CTDSPL: variants seen among roughly 807,000 people sequenced by gnomAD.
CTDSPL encodes the protein CTD small phosphatase-like protein.
CTDSPL carries 8 observed loss-of-function variants against 30.5 expected under a neutral mutation model. The observed-to-expected ratio is 0.26, with a 90% confidence interval of 0.15 to 0.47. The LOEUF is 0.47. CTDSPL is among the 20% of genes least tolerant of loss of function. The probability of loss-of-function intolerance (pLI) is 0.99; values close to 1 mark genes in which losing one functional copy is unlikely to be tolerated. For missense variants in CTDSPL, 248 were observed against 366.1 expected (o/e 0.68, Z 2.63); for synonymous variants, 110 against 137.9 (o/e 0.80, Z 1.42).
At chr3:37,951,019 C>T (rs1057272611) in intron 2 of CTDSPL, among the ~76,000 whole-genome samples, 1 of 151,922 alleles carries the variant, frequency 6.6e-6, no homozygotes, top group African/African-American at 2.4e-5. Context: ...AGAGAGGGAA[C>T]AAAAAATAAA....
chr3:37,921,581 G>A (rs1698715513), intron 1 of CTDSPL, among the ~76,000 whole-genome samples: 1 of 150,260 alleles, frequency 6.7e-6, no homozygotes, highest in Non-Finnish European at 1.5e-5. Context: ...CTGGAAGATG[G>A]TCGATATAAG....
intron 1 of CTDSPL, among the ~76,000 whole-genome samples, chr3:37,938,025 C>G (rs1698934806): frequency 1.3e-5 from 2 of 150,432 alleles, no homozygotes; most frequent in Admixed American, 1.3e-4. Context: ...TTTTCTGTAG[C>G]TACCAAGTTG....
rs1288065796 is a variant in CTDSPL, at chr3:37,925,814, C to T, written c.80-21243C>T. On this transcript the variant is annotated intron_variant, in intron 1 of 7. Coordinates refer to ENST00000273179, the MANE Select transcript of CTDSPL (RefSeq NM_001008392.2). Reference sequence around the variant, plus strand: ...CTAGTTGTGAAGCACTTTTCTCGCACGGGTGACAGTTCTCCAGTACACACA... The same window carrying T: ...CTAGTTGTGAAGCACTTTTCTCGCATGGGTGACAGTTCTCCAGTACACACA... Among the ~76,000 whole-genome samples, 3 of 151,638 alleles carry T rather than the reference C, an allele frequency of 2.0e-5. 1 individual carries two copies. The highest frequency in any genetic ancestry group is 4.2e-4 in the South Asian group (2 of 4,790).
intron 6 of CTDSPL, among the ~76,000 whole-genome samples, chr3:37,972,372 A>G (rs936794516): frequency 1.3e-5 from 2 of 152,082 alleles, no homozygotes; most frequent in Non-Finnish European, 2.9e-5. Flanking sequence ...GGCATCTGTA[A>G]TCCCAGCTAC....
At chr3:37,877,904 G>A (rs1225280323) in intron 1 of CTDSPL, among the ~76,000 whole-genome samples, 2 of 152,078 alleles carry the variant, frequency 1.3e-5, no homozygotes, top group Non-Finnish European at 2.9e-5. Flanking sequence ...CACCATTCAT[G>A]AGGGATCCGC....
chr3:37,961,609 A>G (rs1047594667), intron 3 of CTDSPL, among the ~76,000 whole-genome samples: 7 of 152,194 alleles, frequency 4.6e-5, no homozygotes, highest in African/African-American at 1.2e-4. Context: ...TAATACAGCA[A>G]TAGTACACTT....
chr3:37,936,246 A>G (rs1406457928), intron 1 of CTDSPL, among the ~76,000 whole-genome samples: 1 of 152,204 alleles, frequency 6.6e-6, no homozygotes, highest in Non-Finnish European at 1.5e-5. Context: ...AGTGTCCGGT[A>G]GGAATTCCCT....
At chr3:37,891,751 A>T (rs886405481) in intron 1 of CTDSPL, among the ~76,000 whole-genome samples, 4 of 152,314 alleles carry the variant, frequency 2.6e-5, no homozygotes, top group Admixed American at 2.0e-4. Flanking sequence ...AAAAATTTTT[A>T]AAAAAGGATT....
chr3:37,913,982 A>G lies in CTDSPL; in HGVS notation c.80-33075A>G, dbSNP rs559507960. Among the ~76,000 whole-genome samples the G allele has an allele frequency of 2.6e-5, 4 of 152,322 alleles. No individual in the cohort carries two copies. The South Asian group carries it at 6.2e-4, about 24-fold the overall frequency. On this transcript the variant is annotated intron_variant, in intron 1 of 7. Coordinates refer to ENST00000273179, the MANE Select transcript of CTDSPL (RefSeq NM_001008392.2). Reference sequence around the variant, plus strand: ...ACAAAATGAATAAACAAAAACTGCTATGGTTTTCATTGAGATTGTGTGGAA... The same window carrying G: ...ACAAAATGAATAAACAAAAACTGCTGTGGTTTTCATTGAGATTGTGTGGAA...
At chr3:37,874,883 G>A (rs911474513) in intron 1 of CTDSPL, among the ~76,000 whole-genome samples, 2 of 152,060 alleles carry the variant, frequency 1.3e-5, no homozygotes, top group Non-Finnish European at 1.5e-5. Flanking sequence ...GGGTAATGTT[G>A]AAAGAATTAT....
chr3:37,883,476 A>G (rs970889312), intron 1 of CTDSPL, among the ~76,000 whole-genome samples: 10 of 152,224 alleles, frequency 6.6e-5, no homozygotes, highest in Non-Finnish European at 1.0e-4. Flanking sequence ...TTTCTCAGTT[A>G]TGAAGGTAGG....
chr3:37,959,039 A>C (rs1038531546), intron 3 of CTDSPL, among the ~76,000 whole-genome samples: 1 of 152,108 alleles, frequency 6.6e-6, no homozygotes, highest in Non-Finnish European at 1.5e-5. Context: ...GAGTGCTGGG[A>C]GCCCTGAGAG....
chr3:37,913,165 C>G (rs564113207), intron 1 of CTDSPL, among the ~76,000 whole-genome samples: 1 of 151,908 alleles, frequency 6.6e-6, no homozygotes, highest in Non-Finnish European at 1.5e-5. Flanking sequence ...TACAAAAACG[C>G]GTAAATTAGC....
At chr3:37,891,538 C>T (rs886459424) in intron 1 of CTDSPL, among the ~76,000 whole-genome samples, 7 of 152,260 alleles carry the variant, frequency 4.6e-5, no homozygotes, top group Middle Eastern at 3.4e-3. Flanking sequence ...CTTAGAGTGC[C>T]GTTTTATAGT....
intron 1 of CTDSPL, among the ~76,000 whole-genome samples, chr3:37,874,009 C>A (rs1451063502): frequency 6.6e-6 from 1 of 152,226 alleles, no homozygotes; most frequent in Non-Finnish European, 1.5e-5. Context: ...CTTTGTTTCT[C>A]AGTTAAGGAA....
intron 1 of CTDSPL, among the ~76,000 whole-genome samples, chr3:37,905,343 A>T (rs528808708): frequency 6.6e-6 from 1 of 152,290 alleles, no homozygotes; most frequent in African/African-American, 2.4e-5. Flanking sequence ...TTTGATTTTG[A>T]ATTTGTCTCA....
chr3:37,862,383 GGCCCGGAGGGTGCGTGGGTGTGGGGTGC>G lies in CTDSPL; in HGVS notation c.79+115_79+142del. On this transcript the variant is annotated intron_variant, in intron 1 of 7. Coordinates refer to ENST00000273179, the MANE Select transcript of CTDSPL (RefSeq NM_001008392.2). The surrounding 1 kb of genome is among the most constrained non-coding windows in gnomAD (Gnocchi z 4.3). Reference sequence around the variant, plus strand: ...ATGGGCCTGGGGGAGGGGTGCACAGGGCCCGGAGGGTGCGTGGGTGTGGGGTGCGCCCGGAGGAGAGCGAGGCTGCCAG... The same window carrying G: ...ATGGGCCTGGGGGAGGGGTGCACAGGGCCCGGAGGAGAGCGAGGCTGCCAG... 1 of 956,536 alleles carries G rather than the reference GGCCCGGAGGGTGCGTGGGTGTGGGGTGC, an allele frequency of 1.0e-6. No homozygotes were observed. Among genetic ancestry groups the G allele is most frequent in the Non-Finnish European group, 1.4e-6 (1 of 725,286 alleles). 59.3% of individuals were successfully genotyped at this position (956,536 alleles called of 1,614,324 possible). A position where few individuals can be genotyped will look rare whatever the true frequency, so the allele number is the denominator to read the frequency against.
chr3:37,908,945 T>C (rs1178517806), intron 1 of CTDSPL, among the ~76,000 whole-genome samples: 1 of 152,254 alleles, frequency 6.6e-6, no homozygotes, highest in Non-Finnish European at 1.5e-5. Context: ...CTTTTCCGTA[T>C]ATATGTAGCC....
chr3:37,901,945 T>C (rs1326868550), intron 1 of CTDSPL, among the ~76,000 whole-genome samples: 1 of 152,216 alleles, frequency 6.6e-6, no homozygotes, highest in Non-Finnish European at 1.5e-5. Context: ...GCCTATACTA[T>C]CCTTGGTATG....
Sources: allele counts gnomAD v4.1 joint callset (sites outside exome capture counted in the v4.1 genomes callset), GRCh38; gene constraint gnomAD v4.1.1; non-coding constraint Gnocchi (gnomAD v3.1); transcripts MANE v1.5; gene names NCBI Gene and HGNC (gene_info 2026-07-23, HGNC 2026-07-21).